Variants in LRRC4C observed in about 807,000 individuals in gnomAD.
LRRC4C encodes leucine rich repeat containing 4C.
LRRC4C carries 5 observed loss-of-function variants against 33.6 expected under a neutral mutation model. That is an observed-to-expected ratio of 0.15 (90% CI 0.08 to 0.31). The LOEUF (loss-of-function observed/expected upper bound fraction) is 0.31, where lower values mean the gene tolerates loss of function less well. LRRC4C is among the 10% of genes least tolerant of loss of function. LRRC4C has a pLI of 1.00. For missense variants in LRRC4C, 560 were observed against 796.7 expected, an observed-to-expected ratio of 0.70 and a Z score of 3.58; for synonymous variants, 329 against 302.0, an observed-to-expected ratio of 1.09 and a Z score of -0.93.
intron 3 of LRRC4C, among the ~76,000 whole-genome samples, chr11:40,388,213 G>C (rs547160971): frequency 6.6e-6 from 1 of 152,052 alleles, no homozygotes; most frequent in Non-Finnish European, 1.5e-5. Context: ...GATGAGGCCC[G>C]GATAAGATGA....
At chr11:40,785,703 T>A (rs983935801) in intron 2 of LRRC4C, among the ~76,000 whole-genome samples, 1 of 152,170 alleles carries the variant, frequency 6.6e-6, no homozygotes, top group African/African-American at 2.4e-5. Context: ...AACAATACAC[T>A]TTTAACTGTT....
rs537908452 is a variant in LRRC4C, at chr11:41,082,427, CTTT to C, written c.-495-148707_-495-148705del. On this transcript the variant is annotated intron_variant, in intron 1 of 6. Transcript: ENST00000528697. ...TCTACCACCCCACTCAAATCTCACG[CTTT>C]TTTTTTTTTTTTTTTTTTCTGGAGC... is the stretch of plus-strand genomic sequence containing the variant. 6.9e-3 allele frequency among the ~76,000 whole-genome samples: 788 copies of C among 114,902 alleles called. 2 individuals are homozygous for C. The highest frequency in any genetic ancestry group is 9.0e-3 in the Non-Finnish European group (509 of 56,300). The allele number at this position is 114,902 out of a possible 152,430, so 75.4% of individuals were successfully genotyped here.
chr11:41,406,706 C>CCACACACACACACA (rs112867786), intron 1 of LRRC4C, among the ~76,000 whole-genome samples: 23 of 138,308 alleles, frequency 1.7e-4, no homozygotes, highest in African/African-American at 3.4e-4. Flanking sequence ...TACACATTCA[C>CCACACACACACACA]CACACACACA....
intron 1 of LRRC4C, among the ~76,000 whole-genome samples, chr11:41,184,628 T>A (rs1945604479): frequency 6.6e-6 from 1 of 152,110 alleles, no homozygotes. Context: ...TTTCATACTT[T>A]CCCACATTTT....
intron 1 of LRRC4C, among the ~76,000 whole-genome samples, chr11:41,063,557 T>C (rs1222686351): frequency 6.6e-6 from 1 of 152,102 alleles, no homozygotes; most frequent in Non-Finnish European, 1.5e-5. Context: ...AGCTGGCATA[T>C]TGAAGAACTA....
At chr11:41,103,992 T>C (rs1280069979) in intron 1 of LRRC4C, among the ~76,000 whole-genome samples, 1 of 151,934 alleles carries the variant, frequency 6.6e-6, no homozygotes, top group East Asian at 1.9e-4. Context: ...GAATGGATGA[T>C]AGAACTAAGC....
chr11:40,251,423 G>T (rs1590822289), intron 4 of LRRC4C, among the ~76,000 whole-genome samples: 1 of 152,004 alleles, frequency 6.6e-6, no homozygotes, highest in Non-Finnish European at 1.5e-5. Context: ...TTCCTTTTGT[G>T]CCCACTCCTC....
intron 1 of LRRC4C, among the ~76,000 whole-genome samples, chr11:41,148,328 C>T (rs2135949014): frequency 6.6e-6 from 1 of 152,190 alleles, no homozygotes; most frequent in African/African-American, 2.4e-5. Flanking sequence ...GTGGTTGAGG[C>T]TGCAGTGAGC....
At chr11:40,667,796 G>A (rs971770605) in intron 2 of LRRC4C, among the ~76,000 whole-genome samples, 1 of 152,196 alleles carries the variant, frequency 6.6e-6, no homozygotes, top group African/African-American at 2.4e-5. Context: ...CTTCAGAAGA[G>A]AAGGCAGCCT....
chr11:40,917,946 G>A (rs1382740766), intron 2 of LRRC4C, among the ~76,000 whole-genome samples: 2 of 152,060 alleles, frequency 1.3e-5, no homozygotes, highest in Non-Finnish European at 2.9e-5. Flanking sequence ...GACATCCTTT[G>A]CATATCAAAA....
chr11:40,982,580 A>T (rs909342209), intron 1 of LRRC4C, among the ~76,000 whole-genome samples: 7 of 152,178 alleles, frequency 4.6e-5, no homozygotes, highest in African/African-American at 1.7e-4. Flanking sequence ...TTTCTAAGAG[A>T]TGCTGCCACT....
chr11:40,750,784 C>G (rs2136985566), intron 2 of LRRC4C, among the ~76,000 whole-genome samples: 1 of 147,876 alleles, frequency 6.8e-6, no homozygotes. Flanking sequence ...CACATGTACC[C>G]TAAAGCTTAA....
chr11:40,589,287 C>G (rs911535642), intron 3 of LRRC4C, among the ~76,000 whole-genome samples: 9 of 152,078 alleles, frequency 5.9e-5, no homozygotes, highest in Non-Finnish European at 1.3e-4. Context: ...TTATCAGAGA[C>G]TAGGATTGCA....
chr11:40,180,866 G>A (rs1860935008), intron 5 of LRRC4C, among the ~76,000 whole-genome samples: 1 of 152,150 alleles, frequency 6.6e-6, no homozygotes, highest in Non-Finnish European at 1.5e-5. Flanking sequence ...TTATCATAAA[G>A]TCCCCACAGG....
intron 1 of LRRC4C, among the ~76,000 whole-genome samples, chr11:41,160,695 A>G (rs1944430740): frequency 6.6e-6 from 1 of 152,196 alleles, no homozygotes; most frequent in African/African-American, 2.4e-5. Flanking sequence ...ATTTAAAAAT[A>G]GTGATAATAT....
chr11:40,692,785 T>C (rs1945284562), intron 2 of LRRC4C, among the ~76,000 whole-genome samples: 1 of 152,074 alleles, frequency 6.6e-6, no homozygotes, highest in African/African-American at 2.4e-5. Flanking sequence ...GGCTCCTATT[T>C]AGGCTATATG....
At chr11:40,289,401 A>C (rs1346394985) in intron 4 of LRRC4C, among the ~76,000 whole-genome samples, 1 of 152,214 alleles carries the variant, frequency 6.6e-6, no homozygotes, top group Non-Finnish European at 1.5e-5. Flanking sequence ...GGAAATTAAA[A>C]GTATTGTTCA....
At chr11:40,587,702 T>G (rs2135707600) in intron 3 of LRRC4C, among the ~76,000 whole-genome samples, 1 of 152,196 alleles carries the variant, frequency 6.6e-6, no homozygotes, top group African/African-American at 2.4e-5. Flanking sequence ...TTGAATTTTG[T>G]CAAAGGCCTT....
At chr11:40,985,326 TATC>T (rs1190286710) in intron 1 of LRRC4C, among the ~76,000 whole-genome samples, 2 of 152,044 alleles carry the variant, frequency 1.3e-5, no homozygotes, top group Non-Finnish European at 2.9e-5. Context: ...AAGATACATT[TATC>T]TTCCTTTTTG....
Sources: gnomAD v4.1 joint callset for allele counts (sites outside exome capture counted in the v4.1 genomes callset) on GRCh38, gnomAD v4.1.1 for gene constraint, MANE v1.5 for transcripts, NCBI Gene and HGNC (gene_info 2026-07-23, HGNC 2026-07-21) for gene names.